The following CRLF1 variants were observed in gnomAD, a reference collection of about 807,000 sequenced individuals.
CRLF1 encodes cytokine receptor like factor 1, also known as cytokine receptor-like factor 1.
A neutral mutation model predicts 48.9 loss-of-function variants in CRLF1; 36 were observed. The ratio of observed to expected loss-of-function variants is 0.74; its 90% CI spans 0.56 to 0.97. The LOEUF (loss-of-function observed/expected upper bound fraction) is 0.97, where lower values mean the gene tolerates loss of function less well. CRLF1 is among the 50% of genes least tolerant of loss of function. The pLI is 0.00. For missense variants in CRLF1, 534 were observed against 575.1 expected, an observed-to-expected ratio of 0.93 and a Z score of 0.73; for synonymous variants, 256 against 253.4, an observed-to-expected ratio of 1.01 and a Z score of -0.10.
chr19:18,597,498 C>T (rs961008541), intron 4 of CRLF1, among the ~76,000 whole-genome samples: 13 of 127,558 alleles, frequency 1.0e-4, no homozygotes, highest in Admixed American at 8.7e-5. Context: ...GGCGGGATCT[C>T]GGCTCACTGC....
intron 8 of CRLF1, 64 bp from the exon 9 acceptor site, chr19:18,593,643 C>A (rs1976086194): frequency 5.8e-6 from 9 of 1,561,924 alleles, no homozygotes; most frequent in Non-Finnish European, 7.8e-6. Context: ...CACAGAGCCA[C>A]TGAAGGAGGC....
intron 8 of CRLF1, 33 bp downstream of exon 8, chr19:18,594,032 T>TTTGGGC: frequency 8.6e-6 from 6 of 695,808 alleles, no homozygotes; most frequent in African/African-American, 2.1e-5. Context: ...CTCCCCTTGC[T>TTTGGGC]CCCTCCCGCC....
chr19:18,596,818 G>C, intron 5 of CRLF1, 28 bp from the exon 6 acceptor site: 1 of 1,613,272 alleles, frequency 6.2e-7, no homozygotes, highest in African/African-American at 1.3e-5. Context: ...GGTCAGAGTA[G>C]AGGGCGGGGC....
rs1600647530 is a variant in CRLF1 at position 18,593,243 on chromosome 19, A to G, written c.*323T>C. The G allele has an allele frequency of 2.8e-6, 1 of 358,018 alleles. No homozygotes were observed. The highest frequency in any genetic ancestry group is 5.0e-5 in the East Asian group (1 of 19,896). 22.2% of individuals were successfully genotyped at this position (358,018 alleles called of 1,614,324 possible). ...ACTCACCTTCACAATCACAGCACCT[A>G]AATAGCTCATTTATTTAAAAGGACT... On this transcript the variant is annotated 3_prime_UTR_variant, in exon 9 of 9. Transcript: ENST00000392386.
At chr19:18,600,952 G>T (rs778556742) in intron 1 of CRLF1, among the ~76,000 whole-genome samples, 2 of 151,874 alleles carry the variant, frequency 1.3e-5, no homozygotes, top group Non-Finnish European at 2.9e-5. Flanking sequence ...CTACAGGTGT[G>T]CACCACCACA....
intron 1 of CRLF1, among the ~76,000 whole-genome samples, chr19:18,603,440 G>T (rs17683569): frequency 0.26 from 39,177 of 152,144 alleles, 6,220 homozygotes; most frequent in Non-Finnish European, 0.35. Flanking sequence ...GGCAGAAGCG[G>T]TGGGAAATGA....
In CRLF1 at chr19:18,599,593, G is replaced by T. The variant is rs770404854; in HGVS notation, c.369C>A (p.Ile123=). 1.9e-6 allele frequency: 3 copies of T among 1,612,828 alleles called. No individual in the cohort carries two copies. Among genetic ancestry groups the T allele is most frequent in the Non-Finnish European group, 2.5e-6 (3 of 1,180,018 alleles). Residue 123 remains isoleucine, a synonymous_variant, in exon 2 of 9, where the codon ATC becomes ATA. Transcript: ENST00000392386. ...NLVCHARDGS[I]LAGSCLYVGL... ...CAACATAGAGGCAGGAGCCAGCCAG[G>T]ATGCTGCCGTCACGGGCGTGGCACA...
At position 18,596,746 on chromosome 19, in the gene CRLF1, G is replaced by T. The variant is rs770620678; in HGVS notation, c.900C>A (p.Gly300=). ...VSNQTSCRLA[G]LKPGTVYFVQ... ...CGAAGTACACGGTGCCGGGTTTCAGGCCGGCCAGGCGGCAGGAGGTCTGGT... is the reference window on the plus strand; with the variant it reads ...CGAAGTACACGGTGCCGGGTTTCAGTCCGGCCAGGCGGCAGGAGGTCTGGT... Residue 300 remains glycine, a synonymous_variant, in exon 6 of 9, where the codon GGC becomes GGA. Transcript: ENST00000392386. The T allele has an allele frequency of 1.2e-6, 2 of 1,614,126 alleles. No individual in the cohort carries two copies. The highest frequency in any genetic ancestry group is 4.5e-5 in the East Asian group (2 of 44,888).
At position 18,599,772 on chromosome 19, in the gene CRLF1, C is replaced by T. The variant is rs142326326; in HGVS notation, c.190G>A (p.Gly64Arg). The change falls in exon 2 of 9, where the codon GGA becomes AGA. Residue 64 changes from glycine (G) to arginine (R), a missense_variant. Physicochemically the swap from Gly to Arg is moderately radical, Grantham distance 125. This residue lies in a region of CRLF1 where 528 missense variants were observed against 555.7 expected (regional missense o/e 0.95). Transcript: ENST00000392386. ...TCGGCGGTGGCTCCTGGTGGGTCTC[C>T]GTGCACTGAGCAGGTGGCCAGCAGG... ...SSLLATCSVH[G>R]DPPGATAEGL... 45 of 1,593,314 alleles carry T rather than the reference C, an allele frequency of 2.8e-5. No homozygotes were observed. The highest frequency in any genetic ancestry group is 2.5e-4 in the East Asian group (11 of 44,264).
rs1600650627 is a variant in CRLF1 at position 18,596,496 on chromosome 19, C to T, written c.1024+126G>A. On this transcript the variant is annotated intron_variant, in intron 6 of 8. Coordinates refer to ENST00000392386, the MANE Select transcript of CRLF1 (RefSeq NM_004750.5). ...CAGAGGTTGCAGTGAGTGCAGATCA[C>T]ACCACTATGCGACAGAATGAGGCCG... The T allele has an allele frequency of 3.3e-6, 4 of 1,197,904 alleles. No individual in the cohort carries two copies. In the East Asian group the frequency reaches 7.6e-5, roughly 23 times the overall value. The allele number at this position is 1,197,904 out of a possible 1,614,324, so 74.2% of individuals were successfully genotyped here.
rs1437259557 is a variant in CRLF1, at chr19:18,599,676, A to C, written c.286T>G (p.Leu96Val). The C allele has an allele frequency of 6.2e-7, 1 of 1,613,198 alleles. No homozygotes were observed. Among genetic ancestry groups the C allele is most frequent in the East Asian group, 2.2e-5 (1 of 44,856 alleles). The change falls in exon 2 of 9, where the codon TTG (leucine) becomes GTG (valine). Residue 96 changes from leucine to valine, a missense_variant. Physicochemically the swap from Leu to Val is conservative, Grantham distance 32. Coordinates refer to ENST00000392386, the MANE Select transcript of CRLF1 (RefSeq NM_004750.5). The part of the protein sequence containing the change: ...ELSRVLNAST[L>V]ALALANLNGS... ...TTGAGGTTGGCCAGGGCCAGAGCCA[A>C]GGTGGAGGCGTTGAGTACACGGGAG...
Position 18,598,804 on chromosome 19 carries a change from G to C in CRLF1, c.495C>G (p.Leu165=), listed in dbSNP as rs1308520157. 1 of 1,614,134 alleles carries C rather than the reference G, an allele frequency of 6.2e-7. No homozygotes were observed. The highest frequency in any genetic ancestry group is 1.6e-4 in the Middle Eastern group (1 of 6,062). Residue 165 remains leucine, a synonymous_variant, in exon 3 of 9, where the codon CTC becomes CTG. Transcript: ENST00000392386. ...WTPGAHGETF[L]HTNYSLKYKL... ...TGTACTTGAGGGAGTAGTTGGTGTGGAGGAAGGTCTCCCCGTGGGCCCCTG... is the reference window on the plus strand; with the variant it reads ...TGTACTTGAGGGAGTAGTTGGTGTGCAGGAAGGTCTCCCCGTGGGCCCCTG...
At position 18,596,731 on chromosome 19, in the gene CRLF1, G is replaced by A; in HGVS notation, c.915C>T (p.Thr305=). 6.2e-7 allele frequency: 1 copy of A among 1,614,110 alleles called. No homozygotes were observed. Among genetic ancestry groups the A allele is most frequent in the Non-Finnish European group, 8.5e-7 (1 of 1,180,024 alleles). Reference sequence around the variant, plus strand: ...TGCAGCGCACTTGCACGAAGTACACGGTGCCGGGTTTCAGGCCGGCCAGGC... The same window carrying A: ...TGCAGCGCACTTGCACGAAGTACACAGTGCCGGGTTTCAGGCCGGCCAGGC... ...SCRLAGLKPG[T]VYFVQVRCNP... Residue 305 remains threonine, a synonymous_variant, in exon 6 of 9, where the codon ACC becomes ACT. Coordinates refer to ENST00000392386, the MANE Select transcript of CRLF1 (RefSeq NM_004750.5).
intron 1 of CRLF1, among the ~76,000 whole-genome samples, chr19:18,605,559 A>G (rs1976281296): frequency 6.6e-6 from 1 of 152,026 alleles, no homozygotes; most frequent in African/African-American, 2.4e-5. Context: ...TGTGTCGGGG[A>G]TGGAATGTGT....
rs200436979 is a variant in CRLF1, at chr19:18,599,547, T to C, written c.397+18A>G. ...GCTCCCAAGAGCTACCCCTGGGGTG[T>C]CCTGGGTGCCAACTTACGGCCAACA... On this transcript the variant is annotated intron_variant, in intron 2 of 8. Transcript: ENST00000392386. 1.9e-4 allele frequency: 313 copies of C among 1,611,692 alleles called. 1 individual carries two copies. The highest frequency in any genetic ancestry group is 2.1e-4 in the Middle Eastern group (1 of 4,724).
Position 18,597,021 on chromosome 19 carries a change from G to C in CRLF1, c.726C>G (p.His242Gln), listed in dbSNP as rs760844216. Residue 242 changes from histidine (H) to glutamine (Q), a missense_variant, in exon 5 of 9, where the codon CAC (histidine) becomes CAG (glutamine). By Grantham distance (24) the His-to-Gln change is conservative (BLOSUM62 0). This residue lies in a region of CRLF1 where 528 missense variants were observed against 555.7 expected (regional missense o/e 0.95). Coordinates refer to ENST00000392386, the MANE Select transcript of CRLF1 (RefSeq NM_004750.5). ...VVTTDPPPDV[H>Q]VSRVGGLEDQ... ...CCTCCAGGCCCCCGACGCGGCTCAC[G>C]TGCACGTCGGGCGGGGGGTCCGTGG... The C allele has an allele frequency of 5.6e-6, 9 of 1,612,910 alleles. No homozygotes were observed. Among genetic ancestry groups the C allele is most frequent in the South Asian group, 1.1e-5 (1 of 91,036 alleles).
At chr19:18,601,167 G>C (rs1220745095) in intron 1 of CRLF1, among the ~76,000 whole-genome samples, 7 of 152,092 alleles carry the variant, frequency 4.6e-5, no homozygotes. Context: ...AAAGATTGTG[G>C]GTTCTTCCTG....
At chr19:18,604,383 G>C (rs1334399898) in intron 1 of CRLF1, among the ~76,000 whole-genome samples, 1 of 152,192 alleles carries the variant, frequency 6.6e-6, no homozygotes, top group African/African-American at 2.4e-5. Context: ...TTCTCCTCCC[G>C]GGATATGGGC....
chr19:18,605,603 G>C (rs1976281939), intron 1 of CRLF1, among the ~76,000 whole-genome samples: 1 of 152,252 alleles, frequency 6.6e-6, no homozygotes, highest in African/African-American at 2.4e-5. Context: ...TGTGCACCTG[G>C]GATGCAGTGT....
Sources: allele counts gnomAD v4.1 joint callset (sites outside exome capture counted in the v4.1 genomes callset), GRCh38; gene constraint gnomAD v4.1.1; regional missense constraint gnomAD v4.1.1; transcripts MANE v1.5; gene names NCBI Gene and HGNC (gene_info 2026-07-23, HGNC 2026-07-21).